IQCB1: variants seen among roughly 807,000 people sequenced by gnomAD.
IQCB1 encodes IQ motif containing B1, also known as IQ calmodulin-binding motif-containing protein 1.
In IQCB1, 56 loss-of-function variants were observed where a neutral mutation model predicts 84.4. The observed-to-expected ratio is 0.66, with a 90% confidence interval of 0.54 to 0.83. IQCB1 has a LOEUF of 0.83. IQCB1 is among the 40% of genes least tolerant of loss of function. IQCB1 has a pLI of 0.00. For synonymous variants in IQCB1, 210 were observed against 234.8 expected, an observed-to-expected ratio of 0.89 and a Z score of 0.96; for missense variants, 629 against 682.1, an observed-to-expected ratio of 0.92 and a Z score of 0.87.
At chr3:121,807,194 T>C (rs1158271888) in intron 7 of IQCB1, 150 bp downstream of exon 7, 8 of 584,166 alleles carry the variant, frequency 1.4e-5, no homozygotes, top group Middle Eastern at 4.8e-4. Flanking sequence ...TGCATATACT[T>C]GTATATACAT....
chr3:121,801,247 T>C (rs1353296925), intron 7 of IQCB1, among the ~76,000 whole-genome samples: 1 of 152,076 alleles, frequency 6.6e-6, no homozygotes, highest in African/African-American at 2.4e-5. Context: ...AGTCCCAATC[T>C]CTTCCAGAAG....
chr3:121,774,783 T>G (rs913572712), intron 13 of IQCB1, among the ~76,000 whole-genome samples: 1 of 152,172 alleles, frequency 6.6e-6, no homozygotes, highest in African/African-American at 2.4e-5. Flanking sequence ...AGAGTTTCCA[T>G]TCTGCAAGAT....
chr3:121,815,617 A>C (rs1950021285), intron 5 of IQCB1, among the ~76,000 whole-genome samples: 1 of 152,226 alleles, frequency 6.6e-6, no homozygotes, highest in Non-Finnish European at 1.5e-5. Context: ...CCAATGATAG[A>C]CAAACACAGA....
intron 12 of IQCB1, 21 bp from the exon 13 acceptor site, chr3:121,781,895 G>T: frequency 1.2e-6 from 2 of 1,610,568 alleles, no homozygotes; most frequent in Non-Finnish European, 1.7e-6. Flanking sequence ...AAAAATTGAA[G>T]GTTTGTGATT....
At chr3:121,825,072 T>C (rs1950416858) in intron 5 of IQCB1, among the ~76,000 whole-genome samples, 1 of 151,498 alleles carries the variant, frequency 6.6e-6, no homozygotes, top group Non-Finnish European at 1.5e-5. Flanking sequence ...TTTTTTTTTT[T>C]TTTTTCAGAT....
intron 13 of IQCB1, among the ~76,000 whole-genome samples, chr3:121,779,812 ATTTG>A (rs1450096876): frequency 6.6e-6 from 1 of 152,270 alleles, no homozygotes; most frequent in African/African-American, 2.4e-5. Flanking sequence ...TGATTTTATA[ATTTG>A]TTTGGCAGAA....
chr3:121,800,541 GC>G (rs1483604577), intron 7 of IQCB1, among the ~76,000 whole-genome samples: 2 of 151,802 alleles, frequency 1.3e-5, no homozygotes, highest in Non-Finnish European at 2.9e-5. Context: ...TCTCTTACAT[GC>G]TATTCCCTAT....
At chr3:121,829,661 T>C (rs1950565780) in intron 2 of IQCB1, among the ~76,000 whole-genome samples, 1 of 152,184 alleles carries the variant, frequency 6.6e-6, no homozygotes, top group Non-Finnish European at 1.5e-5. Flanking sequence ...TCATAGCTGG[T>C]TGCTGGAGGA....
intron 6 of IQCB1, among the ~76,000 whole-genome samples, chr3:121,808,381 T>C (rs1949689021): frequency 1.3e-5 from 2 of 151,992 alleles, no homozygotes; most frequent in Admixed American, 6.6e-5. Flanking sequence ...GCACCATGAA[T>C]GTAACTAAGA....
intron 5 of IQCB1, among the ~76,000 whole-genome samples, chr3:121,818,079 CAGAGTA>C: frequency 6.6e-6 from 1 of 152,280 alleles, no homozygotes; most frequent in South Asian, 2.1e-4. Flanking sequence ...GCAGCCTGAA[CAGAGTA>C]AGTCAAGTGA....
intron 14 of IQCB1, among the ~76,000 whole-genome samples, chr3:121,770,842 T>A (rs2108504001): frequency 6.6e-6 from 1 of 152,254 alleles, no homozygotes; most frequent in East Asian, 1.9e-4. Flanking sequence ...ACCCAGCTAA[T>A]GTTTTTTCTT....
chr3:121,777,581 C>T (rs1344296484), intron 13 of IQCB1, among the ~76,000 whole-genome samples: 1 of 152,150 alleles, frequency 6.6e-6, no homozygotes, highest in Non-Finnish European at 1.5e-5. Flanking sequence ...TTACCATTTC[C>T]AGTGCTCTTA....
rs558045639 is a variant in IQCB1, at chr3:121,822,264, T to C, written c.393+3787A>G. 2.6e-5 allele frequency among the ~76,000 whole-genome samples: 4 copies of C among 152,356 alleles called. No individual in the cohort carries two copies. The South Asian group carries it at 8.3e-4, about 32-fold the overall frequency. ...ATTCCTTATAATCAAGCACTTTCTC[T>C]TTCTTTCTCTCTCTCCATATATCTT... On this transcript the variant is annotated intron_variant, in intron 5 of 14. Coordinates refer to ENST00000310864, the MANE Select transcript of IQCB1 (RefSeq NM_001023570.4).
intron 13 of IQCB1, among the ~76,000 whole-genome samples, chr3:121,776,135 C>T (rs1043514335): frequency 3.3e-5 from 5 of 152,094 alleles, no homozygotes; most frequent in African/African-American, 9.7e-5. Context: ...TCACTGCTCA[C>T]TGCAGCCTCG....
chr3:121,809,979 GA>G (rs1949764225), intron 5 of IQCB1, among the ~76,000 whole-genome samples: 1 of 150,042 alleles, frequency 6.7e-6, no homozygotes, highest in Non-Finnish European at 1.5e-5. Flanking sequence ...CGTCACATTA[GA>G]GCAAGAATCC....
chr3:121,831,179 A>G (rs867428413), intron 2 of IQCB1, among the ~76,000 whole-genome samples: 1 of 129,578 alleles, frequency 7.7e-6, no homozygotes, highest in South Asian at 2.5e-4. Flanking sequence ...GTATCCTAGT[A>G]TTTTTTTTTG....
chr3:121,825,230 T>C (rs1950423619), intron 5 of IQCB1, among the ~76,000 whole-genome samples: 1 of 152,038 alleles, frequency 6.6e-6, no homozygotes, highest in African/African-American at 2.4e-5. Flanking sequence ...CCGGCTAATT[T>C]TGCATTTTTA....
At chr3:121,811,533 C>T (rs1399825943) in intron 5 of IQCB1, among the ~76,000 whole-genome samples, 1 of 152,202 alleles carries the variant, frequency 6.6e-6, no homozygotes, top group African/African-American at 2.4e-5. Context: ...ATTCTCGCTC[C>T]CAGCACAACA....
At chr3:121,773,313 T>TAAAAA (rs57716745) in intron 13 of IQCB1, among the ~76,000 whole-genome samples, 7,900 of 104,034 alleles carry the variant, frequency 0.076, 515 homozygotes, top group Non-Finnish European at 0.12. Context: ...GACTCTGCCT[T>TAAAAA]AAAAAAAAAA....
Sources: allele counts gnomAD v4.1 joint callset (sites outside exome capture counted in the v4.1 genomes callset), GRCh38; gene constraint gnomAD v4.1.1; transcripts MANE v1.5; gene names NCBI Gene and HGNC (gene_info 2026-07-23, HGNC 2026-07-21).